PALM2AKAP2: variants seen among roughly 807,000 people sequenced by gnomAD.
The protein encoded by PALM2AKAP2 is PALM2 and AKAP2 fusion, also known as PALM2-AKAP2 fusion protein.
Under a neutral mutation model 71.5 loss-of-function variants are expected in PALM2AKAP2, and 37 were observed. The ratio of observed to expected loss-of-function variants is 0.52; its 90% CI spans 0.40 to 0.68. The LOEUF is 0.68. PALM2AKAP2 is among the 30% of genes least tolerant of loss of function. The pLI, the probability that PALM2AKAP2 is intolerant of heterozygous loss-of-function variation, is 0.00. For synonymous variants in PALM2AKAP2, 468 were observed against 478.8 expected (o/e 0.98, Z 0.29); for missense variants, 1,224 against 1,191.8 (o/e 1.03, Z -0.40).
intron 1 of PALM2AKAP2, among the ~76,000 whole-genome samples, chr9:110,119,670 G>C (rs1328841328): frequency 6.6e-6 from 1 of 152,136 alleles, no homozygotes; most frequent in African/African-American, 2.4e-5. Context: ...TTATAAATGG[G>C]ATTGAGAGTC....
chr9:110,016,888 C>CT (rs928042774), intron 7 of PALM2AKAP2, among the ~76,000 whole-genome samples: 26 of 151,564 alleles, frequency 1.7e-4, no homozygotes, highest in African/African-American at 4.6e-4. Flanking sequence ...GGAGATATTT[C>CT]TTTTTTTTTG....
chr9:109,894,045 A>AAAG (rs1281071070), intron 3 of PALM2AKAP2, among the ~76,000 whole-genome samples: 1 of 141,424 alleles, frequency 7.1e-6, no homozygotes, highest in African/African-American at 2.5e-5. Flanking sequence ...AAAAAAAAAA[A>AAAG]GAAGCATCTG....
intron 1 of PALM2AKAP2, among the ~76,000 whole-genome samples, chr9:110,049,804 AGG>A (rs1833674950): frequency 6.6e-6 from 1 of 152,238 alleles, no homozygotes; most frequent in African/African-American, 2.4e-5. Context: ...AGCCCGCAGC[AGG>A]GAGCTGTGGC....
At chr9:109,900,156 T>C (rs1210673092) in intron 3 of PALM2AKAP2, among the ~76,000 whole-genome samples, 1 of 152,228 alleles carries the variant, frequency 6.6e-6, no homozygotes, top group Non-Finnish European at 1.5e-5. Context: ...GAAGTTCAGC[T>C]TTTGTCTCAA....
chr9:110,131,992 CACTGGAACCCCCAA>C (rs995929441), intron 1 of PALM2AKAP2, among the ~76,000 whole-genome samples: 32 of 152,030 alleles, frequency 2.1e-4, no homozygotes, highest in African/African-American at 7.0e-4. Flanking sequence ...TCCCAAATTA[CACTGGAACCCCCAA>C]ACTTTGACTT....
exon 2 of PALM2AKAP2, chr9:110,137,232 T>A: frequency 6.2e-7 from 1 of 1,614,260 alleles, no homozygotes; most frequent in African/African-American, 1.3e-5. Context: ...CAATTTCAGC[T>A]GATGGAGAAT....
At chr9:110,005,545 T>C (rs1447329625) in intron 6 of PALM2AKAP2, among the ~76,000 whole-genome samples, 1 of 152,222 alleles carries the variant, frequency 6.6e-6, no homozygotes, top group Non-Finnish European at 1.5e-5. Context: ...CACTACTCTC[T>C]TCAAAGCTGT....
Position 109,927,511 on chromosome 9 carries a change from G to A in PALM2AKAP2, c.394+2429G>A, listed in dbSNP as rs80266268. 2.6e-5 allele frequency among the ~76,000 whole-genome samples: 4 copies of A among 152,192 alleles called. No individual in the cohort carries two copies. In the East Asian group the frequency reaches 7.7e-4, roughly 29 times the overall value. ...ACTATACAGACACTGCAGATAAGCAGCAAAAGCATCCCAACTCGTGAGGTG... is the reference window on the plus strand; with the variant it reads ...ACTATACAGACACTGCAGATAAGCAACAAAAGCATCCCAACTCGTGAGGTG... On this transcript the variant is annotated intron_variant, in intron 5 of 9. Coordinates refer to the PALM2AKAP2 transcript ENST00000302798.
upstream of PALM2AKAP2, among the ~76,000 whole-genome samples, chr9:110,043,707 TTTTTTGGTG>T (rs1295298878): frequency 6.9e-6 from 1 of 144,170 alleles, no homozygotes; most frequent in East Asian, 2.0e-4. Flanking sequence ...AAACTACGTT[TTTTTTGGTG>T]TTTTTTTTTT....
intron 1 of PALM2AKAP2, among the ~76,000 whole-genome samples, chr9:109,763,204 A>T (rs532801930): frequency 1.3e-5 from 2 of 152,254 alleles, no homozygotes; most frequent in South Asian, 2.1e-4. Context: ...GGAAACTCAG[A>T]GGGCGGAGGG....
At chr9:109,845,263 C>T (rs921288131) in intron 1 of PALM2AKAP2, among the ~76,000 whole-genome samples, 3 of 152,150 alleles carry the variant, frequency 2.0e-5, no homozygotes, top group African/African-American at 7.2e-5. Flanking sequence ...ATATTTTGAT[C>T]ACCTTTTAGC....
In PALM2AKAP2 at chr9:109,677,273, C is replaced by A. The variant is rs535681247; in HGVS notation, c.5+36407C>A. On this transcript the variant is annotated intron_variant, in intron 1 of 6. Transcript: ENST00000374531. The stretch of plus-strand genomic sequence containing the variant: ...AACTTACTCTGTGATTCACAGGACC[C>A]AACTTAGAGATTTTTGGATCCTTGA... 2.0e-5 allele frequency among the ~76,000 whole-genome samples: 3 copies of A among 152,284 alleles called. No homozygotes were observed. The South Asian group carries it at 6.2e-4, about 32-fold the overall frequency.
chr9:109,750,232 C>T (rs1828865017), intron 1 of PALM2AKAP2, among the ~76,000 whole-genome samples: 1 of 152,188 alleles, frequency 6.6e-6, no homozygotes, highest in Non-Finnish European at 1.5e-5. Flanking sequence ...TGATTATTTT[C>T]TAGCAATAGG....
At chr9:109,782,848 G>T (rs924538669) in intron 1 of PALM2AKAP2, among the ~76,000 whole-genome samples, 6 of 151,610 alleles carry the variant, frequency 4.0e-5, no homozygotes, top group African/African-American at 1.5e-4. Flanking sequence ...GGCCACATCG[G>T]TAAATGGTTT....
intron 3 of PALM2AKAP2, among the ~76,000 whole-genome samples, chr9:109,891,795 C>T (rs1026806072): frequency 6.6e-6 from 1 of 151,998 alleles, no homozygotes; most frequent in Non-Finnish European, 1.5e-5. Context: ...CTGGCCATCA[C>T]CCATCAATTT....
chr9:109,743,113 A>G (rs1203701109), intron 1 of PALM2AKAP2, among the ~76,000 whole-genome samples: 1 of 151,606 alleles, frequency 6.6e-6, no homozygotes. Flanking sequence ...CTTCCCATTC[A>G]CCCTTCCTTC....
At chr9:109,816,478 C>T (rs556555216) in intron 1 of PALM2AKAP2, among the ~76,000 whole-genome samples, 3 of 152,170 alleles carry the variant, frequency 2.0e-5, no homozygotes, top group Admixed American at 6.5e-5. Flanking sequence ...GGGAAAGAGG[C>T]GAGGCTGTGG....
chr9:110,168,423 C>G, exon 4 of PALM2AKAP2: 1 of 1,614,054 alleles, frequency 6.2e-7, no homozygotes. Context: ...ACGGGTTAAT[C>G]GAAGAAAGAG....
chr9:109,944,732 T>C (rs1314187554), intron 6 of PALM2AKAP2: 1 of 152,168 alleles, frequency 6.6e-6, no homozygotes, highest in Non-Finnish European at 1.5e-5. Context: ...ATTTTTTATC[T>C]AGAACACAAT....
Sources: gnomAD v4.1 joint callset for allele counts (sites outside exome capture counted in the v4.1 genomes callset) on GRCh38, gnomAD v4.1.1 for gene constraint, MANE v1.5 for transcripts, NCBI Gene and HGNC (gene_info 2026-07-23, HGNC 2026-07-21) for gene names.